The following PCDHA7 variants were observed in gnomAD, a reference collection of about 807,000 sequenced individuals.
PCDHA7 encodes protocadherin alpha-7.
Under a neutral mutation model 57.2 loss-of-function variants are expected in PCDHA7, and 37 were observed. The observed-to-expected ratio is 0.65, with a 90% CI of 0.50 to 0.85. The LOEUF (loss-of-function observed/expected upper bound fraction) is 0.85, where lower values mean the gene tolerates loss of function less well. Among genes scored for constraint, PCDHA7 ranks in the 40% least tolerant of loss-of-function variants. The probability of loss-of-function intolerance (pLI) is 0.00; values close to 1 mark genes in which losing one functional copy is unlikely to be tolerated. For synonymous variants in PCDHA7, 553 were observed against 558.8 expected, an observed-to-expected ratio of 0.99 and a Z score of 0.15; for missense variants, 1,188 against 1,241.8, an observed-to-expected ratio of 0.96 and a Z score of 0.65.
At chr5:140,898,622 A>C (rs1286354840) in intron 1 of PCDHA7, among the ~76,000 whole-genome samples, 1 of 152,172 alleles carries the variant, frequency 6.6e-6, no homozygotes, top group Admixed American at 6.5e-5. Context: ...GTCAGGTAGC[A>C]TAATGCCTCC....
chr5:141,006,618 A>G (rs74748321), intron 3 of PCDHA7, among the ~76,000 whole-genome samples: 53 of 152,290 alleles, frequency 3.5e-4, no homozygotes, highest in African/African-American at 1.3e-3. Flanking sequence ...GAATAAGGAG[A>G]CTATTGCTGC....
intron 1 of PCDHA7, among the ~76,000 whole-genome samples, chr5:140,941,214 C>CCTTTCTTTCTTCCTTTCTTTCTTT (rs2092876516): frequency 2.3e-4 from 28 of 122,490 alleles, no homozygotes; most frequent in Middle Eastern, 4.2e-3. Context: ...TTTCTTTCTT[C>CCTTTCTTTCTTCCTTTCTTTCTTT]CTTTCTTTCT....
At chr5:140,982,417 GA>G (rs1554244117) in intron 2 of PCDHA7, 57 bp from the exon 3 acceptor site, 1 of 1,610,428 alleles carries the variant, frequency 6.2e-7, no homozygotes, top group African/African-American at 1.3e-5. Flanking sequence ...GAGGGTGGAA[GA>G]AGAGATGGGA....
chr5:140,837,979 T>G (rs1775353810), intron 1 of PCDHA7, among the ~76,000 whole-genome samples: 1 of 151,792 alleles, frequency 6.6e-6, no homozygotes, highest in Non-Finnish European at 1.5e-5. Flanking sequence ...ACACCCAGCC[T>G]GCCTTTCATC....
chr5:140,909,010 G>C (rs2074261521), intron 1 of PCDHA7, among the ~76,000 whole-genome samples: 1 of 152,120 alleles, frequency 6.6e-6, no homozygotes, highest in South Asian at 2.1e-4. Flanking sequence ...GAGGTAGAAG[G>C]TTCCTGAATT....
At chr5:140,857,103 C>G in intron 1 of PCDHA7, 1 of 1,597,644 alleles carries the variant, frequency 6.3e-7, no homozygotes, top group Non-Finnish European at 8.6e-7. Flanking sequence ...GTGATTGTCA[C>G]TTCTCTGTCT....
chr5:140,996,198 G>T (rs2097716643), intron 3 of PCDHA7, among the ~76,000 whole-genome samples: 1 of 152,168 alleles, frequency 6.6e-6, no homozygotes, highest in Non-Finnish European at 1.5e-5. Context: ...TACCCTCAAT[G>T]CAAGGATATC....
chr5:140,843,740 C>G (rs782492231), intron 1 of PCDHA7: 1 of 1,536,514 alleles, frequency 6.5e-7, no homozygotes, highest in Non-Finnish European at 8.9e-7. Flanking sequence ...ATTTAGAACT[C>G]ATAAATTCTA....
In PCDHA7 at chr5:140,840,930, C is replaced by T. The variant is rs2150310156; in HGVS notation, c.2355+4192C>T. Among the ~76,000 whole-genome samples the T allele has an allele frequency of 2.0e-5, 3 of 151,804 alleles. No homozygotes were observed. The South Asian group carries it at 6.2e-4, about 32-fold the overall frequency. On this transcript the variant is annotated intron_variant, in intron 1 of 3. Transcript: ENST00000525929. ...TACTTAAATTTATTATTAATTGATACGATATTTGAAATATTGGGAAGAAAT... is the reference window on the plus strand; with the variant it reads ...TACTTAAATTTATTATTAATTGATATGATATTTGAAATATTGGGAAGAAAT...
rs2098417406 is a variant in PCDHA7, at chr5:141,010,474, G to A, written c.*537G>A. Reference sequence around the variant, plus strand: ...CGGAAGTTATCAGTATGGAGGGGAAGTGTAAACTTAAAGGGACCAGACTTT... The same window carrying A: ...CGGAAGTTATCAGTATGGAGGGGAAATGTAAACTTAAAGGGACCAGACTTT... On this transcript the variant is annotated 3_prime_UTR_variant, in exon 4 of 4. Transcript: ENST00000525929. The A allele has an allele frequency of 3.9e-6, 3 of 760,382 alleles. No individual in the cohort carries two copies. The highest frequency in any genetic ancestry group is 3.2e-5 in the Admixed American group (1 of 31,594). The allele number at this position is 760,382 out of a possible 1,614,324, so 47.1% of individuals were successfully genotyped here.
chr5:140,876,738 G>C, intron 1 of PCDHA7: 2 of 1,614,264 alleles, frequency 1.2e-6, no homozygotes, highest in Non-Finnish European at 1.7e-6. Flanking sequence ...CGGCCTATGA[G>C]CTGGTGGTGA....
chr5:140,988,673 A>G (rs2153876025), intron 3 of PCDHA7, among the ~76,000 whole-genome samples: 1 of 152,344 alleles, frequency 6.6e-6, no homozygotes, highest in South Asian at 2.1e-4. Context: ...AGACTCTAAG[A>G]TAATTCTTTC....
At chr5:140,967,727 G>C in intron 1 of PCDHA7, 2 of 1,614,148 alleles carry the variant, frequency 1.2e-6, no homozygotes, top group Non-Finnish European at 1.7e-6. Flanking sequence ...GCGAGTAATT[G>C]GGGGGCTGGA....
At chr5:140,911,066 A>C (rs1166409987) in intron 1 of PCDHA7, among the ~76,000 whole-genome samples, 1 of 152,042 alleles carries the variant, frequency 6.6e-6, no homozygotes, top group Non-Finnish European at 1.5e-5. Flanking sequence ...GTGGGTCCTG[A>C]GGAGAATCAA....
intron 1 of PCDHA7, among the ~76,000 whole-genome samples, chr5:140,906,354 A>C (rs552915845): frequency 3.8e-4 from 58 of 152,336 alleles, no homozygotes; most frequent in South Asian, 1.7e-3. Context: ...GAATGCACCA[A>C]TTCCCAACCC....
intron 1 of PCDHA7, among the ~76,000 whole-genome samples, chr5:140,978,595 G>A (rs2096811492): frequency 6.6e-6 from 1 of 152,214 alleles, no homozygotes; most frequent in African/African-American, 2.4e-5. Flanking sequence ...CCTTAATGGG[G>A]CACTTGAGGG....
At chr5:140,876,099 T>C (rs782428764) in intron 1 of PCDHA7, 7 of 1,613,954 alleles carry the variant, frequency 4.3e-6, no homozygotes, top group Middle Eastern at 1.6e-4. Context: ...CAAAACTCAA[T>C]TTATTGCTGA....
chr5:140,978,890 A>G (rs2096827624), intron 1 of PCDHA7, 59 bp from the exon 2 acceptor site: 1 of 1,612,616 alleles, frequency 6.2e-7, no homozygotes. Context: ...AATTAGCAGC[A>G]TTCCTGGGAG....
intron 1 of PCDHA7, chr5:140,927,132 G>C: frequency 6.2e-7 from 1 of 1,614,052 alleles, no homozygotes; most frequent in Non-Finnish European, 8.5e-7. Context: ...TCAGAGAGCC[G>C]GCGGACCGCG....
Sources: gnomAD v4.1 joint callset for allele counts (sites outside exome capture counted in the v4.1 genomes callset) on GRCh38, gnomAD v4.1.1 for gene constraint, MANE v1.5 for transcripts, NCBI Gene and HGNC (gene_info 2026-07-23, HGNC 2026-07-21) for gene names.